The following DPYD variants were observed in gnomAD, a reference collection of about 807,000 sequenced individuals.
DPYD encodes dihydropyrimidine dehydrogenase [NADP(+)].
Under a neutral mutation model 116.2 loss-of-function variants are expected in DPYD, and 109 were observed. The ratio of observed to expected loss-of-function variants is 0.94; its 90% CI spans 0.80 to 1.10. DPYD has a LOEUF of 1.10. DPYD is among the 50% of genes least tolerant of loss of function. The pLI is 0.00. For synonymous variants in DPYD, 440 were observed against 432.0 expected, an observed-to-expected ratio of 1.02 and a Z score of -0.23; for missense variants, 1,302 against 1,254.5, an observed-to-expected ratio of 1.04 and a Z score of -0.57.
chr1:97,909,281 C>G lies in DPYD; in HGVS notation c.39+11603G>C, dbSNP rs532546252. Among the ~76,000 whole-genome samples the G allele has an allele frequency of 1.7e-3, 259 of 152,110 alleles. 1 individual carries two copies. The highest frequency in any genetic ancestry group is 5.3e-3 in the African/African-American group (221 of 41,518). On this transcript the variant is annotated intron_variant, in intron 1 of 22. Transcript: ENST00000370192. Reference sequence around the variant, plus strand: ...CAATGTGCCACCTCTGTCTCACCACCTATTCTAAACCTTATATTATCAATC... The same window carrying G: ...CAATGTGCCACCTCTGTCTCACCACGTATTCTAAACCTTATATTATCAATC...
chr1:97,152,710 T>C (rs1004797201), intron 20 of DPYD, among the ~76,000 whole-genome samples: 12 of 151,316 alleles, frequency 7.9e-5, no homozygotes, highest in African/African-American at 2.9e-4. Context: ...TATATATAAT[T>C]ATCATATTTA....
At chr1:97,414,507 C>T (rs1469861163) in intron 14 of DPYD, among the ~76,000 whole-genome samples, 7 of 152,150 alleles carry the variant, frequency 4.6e-5, no homozygotes, top group Non-Finnish European at 1.0e-4. Context: ...TTCATGGTGC[C>T]ATTTTTCTGA....
intron 19 of DPYD, among the ~76,000 whole-genome samples, chr1:97,232,180 T>G (rs955504879): frequency 2.6e-5 from 4 of 152,160 alleles, no homozygotes; most frequent in African/African-American, 4.8e-5. Context: ...GGATACAGGA[T>G]TTTGAGCTGA....
chr1:97,281,313 A>G (rs577182107), intron 18 of DPYD, among the ~76,000 whole-genome samples: 2 of 152,088 alleles, frequency 1.3e-5, no homozygotes, highest in East Asian at 3.9e-4. Context: ...AAAACAAGAA[A>G]TTAAAAGGAA....
intron 19 of DPYD, among the ~76,000 whole-genome samples, chr1:97,224,059 T>C (rs1234385371): frequency 1.3e-5 from 2 of 152,072 alleles, no homozygotes; most frequent in Non-Finnish European, 2.9e-5. Context: ...TCTGTCCTTT[T>C]CATATTTCTA....
chr1:97,400,740 G>C (rs1428168514), intron 14 of DPYD, among the ~76,000 whole-genome samples: 1 of 152,102 alleles, frequency 6.6e-6, no homozygotes, highest in African/African-American at 2.4e-5. Flanking sequence ...TTTGTGTAGA[G>C]GTGTTTATAG....
intron 11 of DPYD, among the ~76,000 whole-genome samples, chr1:97,556,001 T>G (rs1475980184): frequency 6.6e-6 from 1 of 152,198 alleles, no homozygotes; most frequent in Non-Finnish European, 1.5e-5. Context: ...ATATGATTAA[T>G]TGGTTCCAGG....
intron 3 of DPYD, among the ~76,000 whole-genome samples, chr1:97,770,967 T>C (rs1005211516): frequency 5.3e-5 from 8 of 152,190 alleles, no homozygotes; most frequent in African/African-American, 1.7e-4. Context: ...TGTAATCTAG[T>C]TATTAAGGAA....
intron 18 of DPYD, among the ~76,000 whole-genome samples, chr1:97,302,249 TATATG>T (rs1274383944): frequency 6.6e-6 from 1 of 151,982 alleles, no homozygotes; most frequent in African/African-American, 2.4e-5. Flanking sequence ...ACAGAGTACT[TATATG>T]GTGGAGAGCT....
At chr1:97,507,388 T>G (rs1018314846) in intron 13 of DPYD, among the ~76,000 whole-genome samples, 1 of 151,904 alleles carries the variant, frequency 6.6e-6, no homozygotes, top group Non-Finnish European at 1.5e-5. Context: ...AATAATCATA[T>G]ACAAAATTGG....
intron 3 of DPYD, among the ~76,000 whole-genome samples, chr1:97,744,678 T>C (rs1235173115): frequency 1.3e-5 from 2 of 152,082 alleles, no homozygotes; most frequent in Admixed American, 1.3e-4. Flanking sequence ...TTTAATGTTC[T>C]ACATCATCAT....
At chr1:97,550,628 A>G (rs1435357550) in intron 11 of DPYD, among the ~76,000 whole-genome samples, 2 of 152,180 alleles carry the variant, frequency 1.3e-5, no homozygotes, top group African/African-American at 4.8e-5. Flanking sequence ...AGTGTTTAGG[A>G]TAAAATGTTC....
In DPYD at chr1:97,514,760, C is replaced by T. The variant is rs1194081982; in HGVS notation, c.1740+966G>A. On this transcript the variant is annotated intron_variant, in intron 13 of 22. Transcript: ENST00000370192. ...AATTCTCTAGATTTTCCTGACCACA[C>T]TTACACATTGCATCTTGTAAAGCTG... Among the ~76,000 whole-genome samples the T allele has an allele frequency of 2.0e-5, 3 of 151,696 alleles. No homozygotes were observed. In the South Asian group the frequency reaches 6.2e-4, roughly 31 times the overall value.
intron 16 of DPYD, among the ~76,000 whole-genome samples, chr1:97,312,187 T>C (rs1032526654): frequency 1.3e-5 from 2 of 151,796 alleles, no homozygotes; most frequent in Non-Finnish European, 2.9e-5. Context: ...AGACATCGAA[T>C]CTCGCTAGTA....
At chr1:97,815,055 G>C (rs1039642817) in intron 3 of DPYD, among the ~76,000 whole-genome samples, 1 of 150,340 alleles carries the variant, frequency 6.7e-6, no homozygotes, top group Non-Finnish European at 1.5e-5. Flanking sequence ...GAGAGAAAGA[G>C]GGAGAAAGAA....
chr1:97,153,973 CAA>C (rs60741755), intron 20 of DPYD, among the ~76,000 whole-genome samples: 200 of 126,156 alleles, frequency 1.6e-3, no homozygotes, highest in Middle Eastern at 9.1e-3. Context: ...TGGCCATGAT[CAA>C]AAAAAAAAAA....
intron 14 of DPYD, among the ~76,000 whole-genome samples, chr1:97,436,999 A>T (rs1411987575): frequency 1.3e-5 from 2 of 151,870 alleles, no homozygotes; most frequent in Non-Finnish European, 2.9e-5. Context: ...GTATACTTCT[A>T]TATATGTTAT....
chr1:97,904,200 A>T (rs1395779320), intron 1 of DPYD, among the ~76,000 whole-genome samples: 1 of 151,990 alleles, frequency 6.6e-6, no homozygotes, highest in Non-Finnish European at 1.5e-5. Context: ...TTATTTTTAA[A>T]TGTTTATGAT....
chr1:97,519,911 GA>G (rs1158428386), intron 12 of DPYD, among the ~76,000 whole-genome samples: 3 of 152,002 alleles, frequency 2.0e-5, no homozygotes, highest in South Asian at 4.2e-4. Context: ...TCATTACAGA[GA>G]AATTATTTTA....
Sources: allele counts gnomAD v4.1 joint callset (sites outside exome capture counted in the v4.1 genomes callset), GRCh38; gene constraint gnomAD v4.1.1; transcripts MANE v1.5; gene names NCBI Gene and HGNC (gene_info 2026-07-23, HGNC 2026-07-21).